The following TTF1 variants were observed in gnomAD, a reference collection of about 807,000 sequenced individuals.
TTF1 encodes transcription termination factor 1.
Under a neutral mutation model 80.2 loss-of-function variants are expected in TTF1, and 64 were observed. That is an observed-to-expected ratio of 0.80 (90% CI 0.65 to 0.98). The LOEUF (loss-of-function observed/expected upper bound fraction) is 0.98. Ranked by LOEUF, TTF1 falls within the 50% of genes least tolerant of loss-of-function variation. The probability of loss-of-function intolerance (pLI) is 0.00; values close to 1 mark genes in which losing one functional copy is unlikely to be tolerated. For missense variants in TTF1, 1,023 were observed against 1,086.2 expected (o/e 0.94, Z 0.82); for synonymous variants, 372 against 382.7 (o/e 0.97, Z 0.33).
chr9:132,389,700 T>C (rs1430134747), intron 7 of TTF1, among the ~76,000 whole-genome samples: 1 of 152,210 alleles, frequency 6.6e-6, no homozygotes, highest in Non-Finnish European at 1.5e-5. Flanking sequence ...AGGGGGGTCA[T>C]GAGCATGCAG....
At chr9:132,380,140 G>C (rs1282693769) in intron 9 of TTF1, among the ~76,000 whole-genome samples, 1 of 152,056 alleles carries the variant, frequency 6.6e-6, no homozygotes, top group African/African-American at 2.4e-5. Context: ...CACATTCTCA[G>C]TTCACTGCAA....
chr9:132,379,502 C>T (rs147151281), intron 9 of TTF1, among the ~76,000 whole-genome samples: 272 of 152,306 alleles, frequency 1.8e-3, no homozygotes, highest in Middle Eastern at 6.8e-3. Flanking sequence ...AGCACCTTAA[C>T]TGCAGCAATA....
At chr9:132,383,025 G>A (rs997657880) in intron 9 of TTF1, among the ~76,000 whole-genome samples, 1 of 151,236 alleles carries the variant, frequency 6.6e-6, no homozygotes, top group African/African-American at 2.4e-5. Flanking sequence ...AGATCACGCT[G>A]TTGCACTCCA....
In TTF1 at chr9:132,383,449, A is replaced by G. The variant is rs535957503; in HGVS notation, c.2378+3107T>C. Among the ~76,000 whole-genome samples, 5 of 152,314 alleles carry G rather than the reference A, an allele frequency of 3.3e-5. No homozygotes were observed. The East Asian group carries it at 7.7e-4, about 24-fold the overall frequency. ...ATAACATCCTTGCTTGGGAAGTGGT[A>G]TCTGCCACTAACTCTTGAATGGTTA... On this transcript the variant is annotated intron_variant, in intron 9 of 10. Coordinates refer to ENST00000334270, the MANE Select transcript of TTF1 (RefSeq NM_007344.4).
chr9:132,377,702 T>C (rs1321579029), intron 10 of TTF1, among the ~76,000 whole-genome samples: 2 of 131,848 alleles, frequency 1.5e-5, no homozygotes, highest in Non-Finnish European at 1.6e-5. Context: ...TGAGTGCATG[T>C]GGTGTGTGTG....
chr9:132,375,917 A>G lies in TTF1; in HGVS notation c.2716T>C (p.Ter906ArgextTer18). 2.6e-6 allele frequency: 4 copies of G among 1,563,586 alleles called. No homozygotes were observed. The highest frequency in any genetic ancestry group is 3.5e-6 in the Non-Finnish European group (4 of 1,146,858). ...AGGCCGGTCTCGAACTCCTGACCTC[A>G]GATGATCCACCGGCCTTGGCCTCCC... The part of the protein sequence containing the change: ...TLGGQGRWII[*>R] Residue 906 changes from the stop codon to arginine (R), a stop_lost, in exon 11 of 11, where the codon TGA becomes CGA. Transcript: ENST00000334270.
rs534029421 is a variant in TTF1 at position 132,378,031 on chromosome 9, TGTG to T, written c.2464+1025_2464+1027del. Among the ~76,000 whole-genome samples the T allele has an allele frequency of 5.3e-5, 7 of 131,646 alleles. No homozygotes were observed. The South Asian group carries it at 1.0e-3, about 19-fold the overall frequency. The allele number at this position is 131,646 out of a possible 152,430, so 86.4% of individuals were successfully genotyped here. A position where few individuals can be genotyped will look rare whatever the true frequency, so the allele number is the denominator to read the frequency against. On this transcript the variant is annotated intron_variant, in intron 10 of 10. Coordinates refer to ENST00000334270, the MANE Select transcript of TTF1 (RefSeq NM_007344.4). ...TGTGAATGCATGTGGTGTGAGTGCA[TGTG>T]GTGTGTGTGTGAATGCATGTGGTGT... is the stretch of plus-strand genomic sequence containing the variant.
Position 132,381,404 on chromosome 9 carries a change from G to A in TTF1, c.2379-2260C>T, listed in dbSNP as rs145279347. Among the ~76,000 whole-genome samples, 1,218 of 152,268 alleles carry A rather than the reference G, an allele frequency of 8.0e-3. 14 individuals are homozygous for A. Among genetic ancestry groups the A allele is most frequent in the African/African-American group, 0.028 (1,147 of 41,550 alleles). On this transcript the variant is annotated intron_variant, in intron 9 of 10. Transcript: ENST00000334270. ...GGGGTTTCACCATGTTGGGCAGGTT[G>A]GTCTCAAACTCCTGACCTCAAGCAA...
At position 132,398,175 on chromosome 9, in the gene TTF1, G is replaced by A. The variant is rs775196329; in HGVS notation, c.1743C>T (p.Asn581=). ...RYPEEKSVIT[N]LKRRYSFRLH... is the part of the protein sequence containing the mutation. ...ATCTAAACGAGTATCTCCTTTTTAA[G>A]TTGGTGATCACAGATTTTTCCTCAG... is the stretch of plus-strand genomic sequence containing the variant. Residue 581 remains asparagine (N), a synonymous_variant, in exon 4 of 11, where the codon AAC becomes AAT. Transcript: ENST00000334270. 4.4e-6 allele frequency: 7 copies of A among 1,588,398 alleles called. No homozygotes were observed. The highest frequency in any genetic ancestry group is 6.0e-6 in the Non-Finnish European group (7 of 1,172,524).
At chr9:132,378,174 GTGAA>G (rs1849273904) in intron 10 of TTF1, among the ~76,000 whole-genome samples, 1 of 139,666 alleles carries the variant, frequency 7.2e-6, no homozygotes, top group Non-Finnish European at 1.5e-5. Flanking sequence ...TGTGGTGTGT[GTGAA>G]TGCATGTGGT....
In TTF1 at chr9:132,401,592, G is replaced by A. The variant is rs758162839; in HGVS notation, c.1230C>T (p.Pro410=). The change falls in exon 2 of 11, where the codon CCC becomes CCT. Residue 410 remains proline, a synonymous_variant. Transcript: ENST00000334270. The part of the protein sequence containing the change: ...ARVSGDDFSV[P]SKNSESTLFD... ...AGAGTGTGCTCTCAGAGTTCTTACT[G>A]GGCACTGAAAAATCATCACCAGACA... is the stretch of plus-strand genomic sequence containing the variant. 1 of 1,613,998 alleles carries A rather than the reference G, an allele frequency of 6.2e-7. No individual in the cohort carries two copies. The highest frequency in any genetic ancestry group is 8.5e-7 in the Non-Finnish European group (1 of 1,179,982).
At chr9:132,387,372 C>T (rs1487708969) in intron 8 of TTF1, among the ~76,000 whole-genome samples, 2 of 152,122 alleles carry the variant, frequency 1.3e-5, no homozygotes, top group African/African-American at 2.4e-5. Context: ...TAGGTGGGGC[C>T]GACACTGGAA....
At position 132,390,706 on chromosome 9, in the gene TTF1, G is replaced by A. The variant is rs749468565; in HGVS notation, c.2113C>T (p.Pro705Ser). The change falls in exon 7 of 11, where the codon CCT becomes TCT. Residue 705 changes from proline (P) to serine (S), a missense_variant. Physicochemically the swap from Pro to Ser is moderately conservative, Grantham distance 74. Transcript: ENST00000334270. Reference protein sequence around the residue: ...KEVDSKLQENPESCLSIVREK... With the variant: ...KEVDSKLQENSESCLSIVREK... ...CGAACAATTGATAGGCAACTTTCAG[G>A]ATTTTCTTGGAGTTTGGAATCCACC... is the stretch of plus-strand genomic sequence containing the variant. 12 of 1,614,088 alleles carry A rather than the reference G, an allele frequency of 7.4e-6. No homozygotes were observed. Among genetic ancestry groups the A allele is most frequent in the South Asian group, 1.1e-5 (1 of 91,090 alleles).
intron 5 of TTF1, among the ~76,000 whole-genome samples, chr9:132,392,586 C>A (rs1564187349): frequency 6.9e-6 from 1 of 143,934 alleles, no homozygotes; most frequent in Non-Finnish European, 1.5e-5. Context: ...AGCCTGAAGT[C>A]CCCGTTGATT....
chr9:132,379,166 A>AT, intron 9 of TTF1, 22 bp from the exon 10 acceptor site: 1 of 1,559,568 alleles, frequency 6.4e-7, no homozygotes, highest in East Asian at 2.2e-5. Flanking sequence ...GAAAGAAAAG[A>AT]TAAAAAGCAA....
Position 132,402,742 on chromosome 9 carries a change from TC to T in TTF1, c.79del (p.Glu27LysfsTer17). On this transcript the variant is annotated frameshift_variant, in exon 2 of 11. Coordinates refer to ENST00000334270, the MANE Select transcript of TTF1 (RefSeq NM_007344.4). LOFTEE classifies it high-confidence loss of function. ...KKKKKCSIHK[E>X]RPQKHSHEIF... Reference sequence around the variant, plus strand: ...TTCGTGGGAATGTTTCTGAGGTCTTTCCTTATGTATAGAACACTTTTTCTTT... The same window carrying T: ...TTCGTGGGAATGTTTCTGAGGTCTTTCTTATGTATAGAACACTTTTTCTTT... 1 of 1,613,022 alleles carries T rather than the reference TC, an allele frequency of 6.2e-7. No homozygotes were observed. Among genetic ancestry groups the T allele is most frequent in the Non-Finnish European group, 8.5e-7 (1 of 1,179,776 alleles).
Position 132,401,465 on chromosome 9 carries a change from C to G in TTF1, c.1357G>C (p.Glu453Gln), listed in dbSNP as rs766541605. The G allele has an allele frequency of 1.9e-5, 31 of 1,609,810 alleles. No homozygotes were observed. The East Asian group carries it at 6.5e-4, about 34-fold the overall frequency. Residue 453 changes from glutamate to glutamine, a missense_variant, in exon 2 of 11, where the codon GAG (glutamate) becomes CAG (glutamine). By Grantham distance (29) the Glu-to-Gln change is conservative. Coordinates refer to ENST00000334270, the MANE Select transcript of TTF1 (RefSeq NM_007344.4). ...CCACTCCCTCGTTACCTTGGCGCCT[C>G]TTGCACGTGCTTGCTTGCCAAACAG... Reference protein sequence around the residue: ...QACLASKHVQEAPRLEPANEE... With the variant: ...QACLASKHVQQAPRLEPANEE...
chr9:132,379,001 A>T, intron 10 of TTF1, 58 bp downstream of exon 10: 1 of 1,359,920 alleles, frequency 7.4e-7, no homozygotes, highest in Non-Finnish European at 1.0e-6. Flanking sequence ...GACTTTCATT[A>T]CCAGCATGTG....
chr9:132,397,958 C>T (rs1849683058), intron 4 of TTF1, among the ~76,000 whole-genome samples, 183 bp downstream of exon 4: 1 of 151,862 alleles, frequency 6.6e-6, no homozygotes, highest in Non-Finnish European at 1.5e-5. Flanking sequence ...TGCACTCCAG[C>T]CTGGGCAACA....
Sources: gnomAD v4.1 joint callset for allele counts (sites outside exome capture counted in the v4.1 genomes callset) on GRCh38, gnomAD v4.1.1 for gene constraint, MANE v1.5 for transcripts, NCBI Gene and HGNC (gene_info 2026-07-23, HGNC 2026-07-21) for gene names.